The following CHLSN variants were observed in gnomAD, a reference collection of about 807,000 sequenced individuals.
CHLSN encodes cholesin, also known as protein cholesin.
chr7:1,084,089 G>A, the CHLSN span, among the ~76,000 whole-genome samples: 2 of 152,362 alleles, frequency 1.3e-5, no homozygotes, highest in East Asian at 1.9e-4. Flanking sequence ...GATATGGCAC[G>A]GAATGCAGAA....
At chr7:1,042,556 C>T in the CHLSN span, among the ~76,000 whole-genome samples, 1 of 152,308 alleles carries the variant, frequency 6.6e-6, no homozygotes, top group South Asian at 2.1e-4. Flanking sequence ...TGACGATCTC[C>T]CCAGGACACA....
At chr7:1,084,637 A>T in the CHLSN span, among the ~76,000 whole-genome samples, 1 of 152,160 alleles carries the variant, frequency 6.6e-6, no homozygotes, top group African/African-American at 2.4e-5. Flanking sequence ...GTGGGAAGGG[A>T]AGCCTCACTC....
At chr7:1,000,165 C>T in the CHLSN span, among the ~76,000 whole-genome samples, 1 of 152,312 alleles carries the variant, frequency 6.6e-6, no homozygotes, top group Admixed American at 6.5e-5. Flanking sequence ...GGAGACCTGC[C>T]CTGCAGTGGG....
chr7:1,008,194 C>T, the CHLSN span, among the ~76,000 whole-genome samples: 8 of 152,324 alleles, frequency 5.3e-5, 1 homozygote, highest in South Asian at 1.7e-3. Context: ...ACAGTCCATT[C>T]CTGCGGCTGG....
At chr7:1,030,903 C>T in the CHLSN span, among the ~76,000 whole-genome samples, 16,426 of 152,260 alleles carry the variant, frequency 0.11, 1,160 homozygotes, top group Middle Eastern at 0.2. Flanking sequence ...CTGCTTACTG[C>T]ACCGGCACAT....
At chr7:1,010,261 A>AGCACTGG in the CHLSN span, 1 of 920,552 alleles carries the variant, frequency 1.1e-6, no homozygotes, top group Non-Finnish European at 1.6e-6. Context: ...TCTGTCCCCA[A>AGCACTGG]GCACTGGGTC....
chr7:1,104,734 G>A, the CHLSN span, among the ~76,000 whole-genome samples: 1 of 152,180 alleles, frequency 6.6e-6, no homozygotes, highest in African/African-American at 2.4e-5. Context: ...AGCTGTGAAT[G>A]CTCCATCCTG....
At chr7:997,882 G>A in the CHLSN span, 1 of 1,362,476 alleles carries the variant, frequency 7.3e-7, no homozygotes. Context: ...AGACGCTGCA[G>A]CCAAGGACAC....
the CHLSN span, chr7:1,127,519 TTAAAA>T: frequency 1.8e-5 from 17 of 920,288 alleles, no homozygotes; most frequent in East Asian, 4.2e-4. Flanking sequence ...CATATAAAAG[TTAAAA>T]TAAACTCAAA....
At chr7:1,012,009 C>G in the CHLSN span, among the ~76,000 whole-genome samples, 1 of 152,208 alleles carries the variant, frequency 6.6e-6, no homozygotes, top group Non-Finnish European at 1.5e-5. Flanking sequence ...TGGTGACTGA[C>G]CGGCTCCAAC....
the CHLSN span, among the ~76,000 whole-genome samples, chr7:1,132,161 A>G: frequency 6.6e-6 from 1 of 152,268 alleles, no homozygotes; most frequent in South Asian, 2.1e-4. Context: ...GGCCTCTTAC[A>G]TATGGCACCA....
At chr7:1,065,702 G>A in the CHLSN span, among the ~76,000 whole-genome samples, 1 of 152,234 alleles carries the variant, frequency 6.6e-6, no homozygotes, top group African/African-American at 2.4e-5. Context: ...CCTTGCCGGG[G>A]TGCTGGTGAC....
the CHLSN span, chr7:988,919 G>C: frequency 2.5e-6 from 2 of 802,626 alleles, no homozygotes; most frequent in Non-Finnish European, 3.9e-6. Flanking sequence ...GACTGCTCTG[G>C]GAGGGCCCTG....
chr7:1,110,746 A>C, the CHLSN span, among the ~76,000 whole-genome samples: 2 of 152,208 alleles, frequency 1.3e-5, no homozygotes, highest in Admixed American at 1.3e-4. Flanking sequence ...GGATAGATAA[A>C]GGCTCTTAGT....
At chr7:1,047,612 T>C in the CHLSN span, among the ~76,000 whole-genome samples, 1 of 152,252 alleles carries the variant, frequency 6.6e-6, no homozygotes, top group Admixed American at 6.5e-5. Flanking sequence ...TTTGAAAGCA[T>C]TTTGATTGTT....
chr7:1,000,343 C>T, the CHLSN span: 20 of 763,792 alleles, frequency 2.6e-5, no homozygotes, highest in Non-Finnish European at 3.9e-5. Flanking sequence ...GCCGTGCACA[C>T]ACCTCAGCCC....
chr7:1,038,244 G>A, the CHLSN span, among the ~76,000 whole-genome samples: 1 of 93,766 alleles, frequency 1.1e-5, no homozygotes, highest in Non-Finnish European at 2.4e-5. Flanking sequence ...CGTGCCATCC[G>A]GGAGGGAGGT....
At chr7:986,189 C>T in the CHLSN span, among the ~76,000 whole-genome samples, 1 of 152,102 alleles carries the variant, frequency 6.6e-6, no homozygotes. Context: ...CGAGGTGTGG[C>T]GGGGCTGCCA....
At chr7:1,094,449 A>G in the CHLSN span, among the ~76,000 whole-genome samples, 7 of 152,250 alleles carry the variant, frequency 4.6e-5, no homozygotes, top group East Asian at 1.9e-4. Flanking sequence ...TTTATTTGTG[A>G]TAACATAAAG....
Sources: gnomAD v4.1 joint callset for allele counts (sites outside exome capture counted in the v4.1 genomes callset) on GRCh38, gnomAD v4.1.1 for gene constraint, MANE v1.5 for transcripts, NCBI Gene and HGNC (gene_info 2026-07-23, HGNC 2026-07-21) for gene names.